Variants in MCF2L observed in about 807,000 individuals in gnomAD.
MCF2L encodes MCF.2 cell line derived transforming sequence like.
Under a neutral mutation model 153.4 loss-of-function variants are expected in MCF2L, and 97 were observed. The observed-to-expected ratio is 0.63, with a 90% CI of 0.54 to 0.75. The LOEUF is 0.75. MCF2L is among the 30% of genes least tolerant of loss of function. The probability of loss-of-function intolerance (pLI) is 0.00; values close to 1 mark genes in which losing one functional copy is unlikely to be tolerated. For synonymous variants in MCF2L, 659 were observed against 632.2 expected, an observed-to-expected ratio of 1.04 and a Z score of -0.64; for missense variants, 1,347 against 1,495.2, an observed-to-expected ratio of 0.90 and a Z score of 1.64.
chr13:113,053,682 C>T lies in MCF2L; in HGVS notation c.370-6911C>T, dbSNP rs368660853. ...GAATGGGTGGTTCGGTGGTGGTTGC[C>T]ACAGGGCTGTGTTTTCAAGGGGAGC... On this transcript the variant is annotated intron_variant, in intron 4 of 29. Transcript: ENST00000535094. The surrounding 1 kb of genome is among the most constrained non-coding windows in gnomAD (Gnocchi z 4.4). Among the ~76,000 whole-genome samples, 9 of 152,222 alleles carry T rather than the reference C, an allele frequency of 5.9e-5. No homozygotes were observed. The East Asian group carries it at 1.2e-3, about 20-fold the overall frequency.
intron 1 of MCF2L, among the ~76,000 whole-genome samples, chr13:113,004,364 C>T (rs755702489): frequency 2.2e-4 from 34 of 152,236 alleles, no homozygotes; most frequent in Non-Finnish European, 3.7e-4. Flanking sequence ...CAGCATCCTG[C>T]GTCGTAGCCA....
In MCF2L at chr13:113,015,722, G is replaced by A. The variant is rs532335321; in HGVS notation, c.163+876G>A. On this transcript the variant is annotated intron_variant, in intron 2 of 29. Transcript: ENST00000535094. Reference sequence around the variant, plus strand: ...TTATGAGACCAAAATCGAAGAGACAGCCAGCAACATGATGGCCAGAGGAGA... The same window carrying A: ...TTATGAGACCAAAATCGAAGAGACAACCAGCAACATGATGGCCAGAGGAGA... Among the ~76,000 whole-genome samples, 3 of 152,344 alleles carry A rather than the reference G, an allele frequency of 2.0e-5. No homozygotes were observed. The South Asian group carries it at 6.2e-4, about 32-fold the overall frequency.
chr13:113,002,446 C>G (rs1435137932), intron 1 of MCF2L, among the ~76,000 whole-genome samples: 1 of 152,250 alleles, frequency 6.6e-6, no homozygotes, highest in Non-Finnish European at 1.5e-5. Flanking sequence ...CACTGCTGTC[C>G]CCACAATGGG....
In MCF2L at chr13:113,046,711, C is replaced by A; in HGVS notation, c.369+1350C>A. 5.8e-6 allele frequency: 3 copies of A among 521,236 alleles called. No individual in the cohort carries two copies. In the East Asian group the frequency reaches 1.7e-4, roughly 29 times the overall value. 32.3% of individuals were successfully genotyped at this position (521,236 alleles called of 1,614,324 possible). On this transcript the variant is annotated intron_variant, in intron 4 of 29. Transcript: ENST00000535094. This position sits in a 1 kb window ranked among gnomAD's most constrained non-coding sequence, Gnocchi z 4.4. The stretch of plus-strand genomic sequence containing the variant: ...CTTTAGGATGAGGCATCTCCTTGCA[C>A]CCCCACGGCACCTCTCTGCCCCTCG...
chr13:113,037,498 T>C (rs2086226308), intron 3 of MCF2L, among the ~76,000 whole-genome samples: 2 of 152,206 alleles, frequency 1.3e-5, no homozygotes, highest in South Asian at 4.1e-4. Flanking sequence ...GGGTTACATT[T>C]GTCATCATTC....
At chr13:113,008,366 C>T (rs549820581) in intron 1 of MCF2L, among the ~76,000 whole-genome samples, 1 of 144,380 alleles carries the variant, frequency 6.9e-6, no homozygotes, top group Non-Finnish European at 1.5e-5. Context: ...TGTCTCAGCC[C>T]CTGGACTCCA....
chr13:113,006,473 G>A (rs2083702480), intron 1 of MCF2L, among the ~76,000 whole-genome samples: 1 of 152,176 alleles, frequency 6.6e-6, no homozygotes, highest in East Asian at 1.9e-4. Flanking sequence ...TGAACCCCGA[G>A]GGGGTCTCCC....
intron 2 of MCF2L, among the ~76,000 whole-genome samples, chr13:112,953,713 G>T (rs986387982): frequency 1.3e-5 from 2 of 152,216 alleles, no homozygotes; most frequent in African/African-American, 4.8e-5. Context: ...CTGAGGCCAG[G>T]CCTGCCTTGG....
chr13:113,046,756 C>T lies in MCF2L; in HGVS notation c.369+1395C>T, dbSNP rs555199068. ...CCCTCGCCGCGGCGGATCCCCGTTC[C>T]TGACCCTGACTCAACCTGGCACACA... On this transcript the variant is annotated intron_variant, in intron 4 of 29. Transcript: ENST00000535094. The surrounding 1 kb of genome is among the most constrained non-coding windows in gnomAD (Gnocchi z 4.4). 5.6e-5 allele frequency: 26 copies of T among 462,264 alleles called. No homozygotes were observed. The highest frequency in any genetic ancestry group is 5.0e-4 in the African/African-American group (25 of 49,620). The allele number at this position is 462,264 out of a possible 1,614,324, so 28.6% of individuals were successfully genotyped here.
intron 1 of MCF2L, chr13:112,985,423 T>C (rs1170998030): frequency 2.1e-6 from 1 of 471,054 alleles, no homozygotes. Flanking sequence ...GTGGCGGAAA[T>C]GAAAAGCTAC....
At chr13:112,980,607 C>A (rs970713707) in intron 1 of MCF2L, among the ~76,000 whole-genome samples, 1 of 73,038 alleles carries the variant, frequency 1.4e-5, no homozygotes, top group African/African-American at 4.0e-5. Context: ...GGCCACCATG[C>A]GCAGGAGAGC....
chr13:113,008,712 G>T (rs2083873738), intron 1 of MCF2L: 1 of 152,226 alleles, frequency 6.6e-6, no homozygotes, highest in South Asian at 2.1e-4. Flanking sequence ...GGCCTGGTTG[G>T]AAGATTGGCC....
intron 2 of MCF2L, among the ~76,000 whole-genome samples, chr13:112,945,302 T>A (rs1202303022): frequency 6.6e-6 from 1 of 152,196 alleles, no homozygotes; most frequent in African/African-American, 2.4e-5. Context: ...ATGCTTTAGT[T>A]AGTAATGATG....
In MCF2L at chr13:113,027,701, C is replaced by T. The variant is rs2085400254; in HGVS notation, c.278+2943C>T. 6.6e-6 allele frequency among the ~76,000 whole-genome samples: 1 copy of T among 152,192 alleles called. No homozygotes were observed. The highest frequency in any genetic ancestry group is 1.9e-4 in the East Asian group (1 of 5,190). ...AGGCTGCGATGCTGCAGACGGTTTC[C>T]ACACATTCCTCCCTGGTTCTCAGCC... is the stretch of plus-strand genomic sequence containing the variant. On this transcript the variant is annotated intron_variant, in intron 3 of 29. Transcript: ENST00000535094. This position sits in a 1 kb window ranked among gnomAD's most constrained non-coding sequence, Gnocchi z 4.8.
intron 26 of MCF2L, chr13:113,090,056 C>T (rs4907484): frequency 0.036 from 57,058 of 1,571,108 alleles, 1,124 homozygotes; most frequent in Non-Finnish European, 0.042. Context: ...GTTTCTTTCT[C>T]TTCCTTCATA....
intron 4 of MCF2L, among the ~76,000 whole-genome samples, chr13:113,047,699 C>T (rs1168497883): frequency 6.6e-6 from 1 of 152,248 alleles, no homozygotes; most frequent in African/African-American, 2.4e-5. Flanking sequence ...CCGTGGGGTC[C>T]AGGCACCTGC....
intron 2 of MCF2L, among the ~76,000 whole-genome samples, chr13:112,948,038 C>G (rs777940119): frequency 6.6e-6 from 1 of 152,178 alleles, no homozygotes; most frequent in Non-Finnish European, 1.5e-5. Context: ...AGCTGTGTGA[C>G]CAAGGAGTGC....
intron 1 of MCF2L, among the ~76,000 whole-genome samples, chr13:113,002,170 C>G (rs932422737): frequency 9.9e-5 from 15 of 152,178 alleles, no homozygotes; most frequent in African/African-American, 3.6e-4. Flanking sequence ...CAGAGGAGCC[C>G]TGTTCCTTGG....
In MCF2L at chr13:113,024,580, C is replaced by T. The variant is rs2085105494; in HGVS notation, c.164-64C>T. 6 of 1,022,638 alleles carry T rather than the reference C, an allele frequency of 5.9e-6. No homozygotes were observed. The East Asian group carries it at 9.7e-5, about 16-fold the overall frequency. The allele number at this position is 1,022,638 out of a possible 1,614,324, so 63.3% of individuals were successfully genotyped here. A position where few individuals can be genotyped will look rare whatever the true frequency, so the allele number is the denominator to read the frequency against. On this transcript the variant is annotated intron_variant, in intron 2 of 29. Transcript: ENST00000535094. ...CTGGGTGCTGATGAAAACGGGCCGA[C>T]ATCTGTGGAACCCCCGGGGGCATGG... is the stretch of plus-strand genomic sequence containing the variant.
Sources: allele counts gnomAD v4.1 joint callset (sites outside exome capture counted in the v4.1 genomes callset), GRCh38; gene constraint gnomAD v4.1.1; non-coding constraint Gnocchi (gnomAD v3.1); transcripts MANE v1.5; gene names NCBI Gene and HGNC (gene_info 2026-07-23, HGNC 2026-07-21).